The following EML1 variants were observed in gnomAD, a reference collection of about 807,000 sequenced individuals.
EML1 encodes the protein echinoderm microtubule-associated protein-like 1.
In EML1, 27 loss-of-function variants were observed where a neutral mutation model predicts 110.4. That is an observed-to-expected ratio of 0.24 (90% CI 0.18 to 0.34). EML1 has a LOEUF of 0.34. Ranked by LOEUF, EML1 falls within the 10% of genes least tolerant of loss-of-function variation. The pLI is 1.00. For synonymous variants in EML1, 344 were observed against 385.8 expected (o/e 0.89, Z 1.27); for missense variants, 741 against 1,030.9 (o/e 0.72, Z 3.85).
chr14:99,748,423 T>G (rs35273995), intron 1 of EML1, among the ~76,000 whole-genome samples: 1 of 151,854 alleles, frequency 6.6e-6, no homozygotes, highest in African/African-American at 2.4e-5. Flanking sequence ...CCTGGCTTTG[T>G]TATCTTTTTT....
At chr14:99,806,634 T>C (rs372186595) in intron 1 of EML1, among the ~76,000 whole-genome samples, 2 of 152,178 alleles carry the variant, frequency 1.3e-5, no homozygotes, top group East Asian at 3.9e-4. Context: ...GAATCTCTAA[T>C]GGAAAGTGTG....
At chr14:99,885,701 T>C (rs1595433705) in intron 4 of EML1, among the ~76,000 whole-genome samples, 1 of 152,222 alleles carries the variant, frequency 6.6e-6, no homozygotes, top group East Asian at 1.9e-4. Context: ...TTCATATTGT[T>C]TTAGTTTTGA....
Position 99,888,529 on chromosome 14 carries a change from C to A in EML1, c.519-2670C>A, listed in dbSNP as rs557180857. Among the ~76,000 whole-genome samples the A allele has an allele frequency of 7.2e-5, 11 of 152,306 alleles. No individual in the cohort carries two copies. The South Asian group carries it at 2.3e-3, about 32-fold the overall frequency. On this transcript the variant is annotated intron_variant, in intron 4 of 21. Transcript: ENST00000262233. ...GCCTCGTAGTCTTTTGTCAGCTTTC[C>A]TTCTGTCCTCACCTCCTTCTGCCTG...
At chr14:99,862,069 T>C (rs2059011560) in intron 2 of EML1, among the ~76,000 whole-genome samples, 1 of 152,200 alleles carries the variant, frequency 6.6e-6, no homozygotes, top group African/African-American at 2.4e-5. Flanking sequence ...CTCCTCAGCC[T>C]CCTCCAGGCT....
rs999487978 is a variant in EML1, at chr14:99,905,365, G to A, written c.1009-2273G>A. Among the ~76,000 whole-genome samples, 6 of 152,220 alleles carry A rather than the reference G, an allele frequency of 3.9e-5. No homozygotes were observed. The highest frequency in any genetic ancestry group is 1.9e-4 in the East Asian group (1 of 5,182). On this transcript the variant is annotated intron_variant, in intron 9 of 21. Coordinates refer to ENST00000262233, the MANE Select transcript of EML1 (RefSeq NM_004434.3). The surrounding 1 kb of genome is among the most constrained non-coding windows in gnomAD (Gnocchi z 4.1). ...CCTCCAACCAGGAGCTTCAACTTAC[G>A]GTCTCTGGGCAAGATGGTGGCCCTG... is the stretch of plus-strand genomic sequence containing the variant.
intron 1 of EML1, among the ~76,000 whole-genome samples, chr14:99,825,457 CAG>C (rs1491415382): frequency 1.3e-5 from 2 of 151,816 alleles, no homozygotes; most frequent in African/African-American, 2.4e-5. Context: ...GAACGTACCT[CAG>C]AGAGATCAAG....
intron 1 of EML1, chr14:99,809,650 A>G (rs2058041610): frequency 6.6e-6 from 3 of 456,078 alleles, no homozygotes; most frequent in South Asian, 4.6e-5. Context: ...TGCGATTTCA[A>G]CATCCAGAAA....
chr14:99,806,108 T>C (rs1303360735), intron 1 of EML1, among the ~76,000 whole-genome samples: 1 of 152,160 alleles, frequency 6.6e-6, no homozygotes, highest in East Asian at 1.9e-4. Flanking sequence ...GAATGTTTTT[T>C]TGAAAACAAT....
At chr14:99,880,020 A>C (rs189404114) in intron 4 of EML1, among the ~76,000 whole-genome samples, 1 of 152,226 alleles carries the variant, frequency 6.6e-6, no homozygotes, top group African/African-American at 2.4e-5. Context: ...AAATATTTCC[A>C]TAGAAGATAT....
At chr14:99,753,076 G>A (rs2057195039) in intron 1 of EML1, among the ~76,000 whole-genome samples, 1 of 151,952 alleles carries the variant, frequency 6.6e-6, no homozygotes, top group Admixed American at 6.6e-5. Context: ...TAAGAGGGAA[G>A]CAGCGAAGCC....
chr14:99,887,846 G>A (rs2059508957), intron 4 of EML1, among the ~76,000 whole-genome samples: 1 of 152,146 alleles, frequency 6.6e-6, no homozygotes, highest in East Asian at 1.9e-4. Context: ...GTTCTCTTCT[G>A]GTTATCACTG....
At chr14:99,773,948 G>A (rs1349875423) in exon 1 of EML1, 1 of 152,290 alleles carries the variant, frequency 6.6e-6, no homozygotes, top group African/African-American at 2.4e-5. Flanking sequence ...CCCCTTGGAG[G>A]AGGGGCGGCT....
intron 3 of EML1, 141 bp downstream of exon 3, chr14:99,865,787 C>G: frequency 9.0e-7 from 1 of 1,105,194 alleles, no homozygotes; most frequent in East Asian, 2.6e-5. Flanking sequence ...TTATATGGTG[C>G]CATAACAAGA....
chr14:99,902,792 G>A (rs1473102964), intron 9 of EML1, among the ~76,000 whole-genome samples: 2 of 152,082 alleles, frequency 1.3e-5, no homozygotes, highest in Admixed American at 1.3e-4. Context: ...AAGATAACTT[G>A]GGGCTCCTGG....
At chr14:99,770,816 G>T (rs1054789687), upstream of EML1, among the ~76,000 whole-genome samples, 9 of 86,828 alleles carry the variant, frequency 1.0e-4, no homozygotes, top group Non-Finnish European at 1.2e-4. Context: ...ACGGAGTCTC[G>T]CTCTGTTGTC....
chr14:99,851,616 T>G (rs544144840), intron 2 of EML1, among the ~76,000 whole-genome samples: 30 of 152,286 alleles, frequency 2.0e-4, no homozygotes, highest in African/African-American at 7.0e-4. Flanking sequence ...CGAGAACAGT[T>G]CTTTATCAGG....
At chr14:99,904,092 A>G (rs147667343) in intron 9 of EML1, among the ~76,000 whole-genome samples, 13 of 152,198 alleles carry the variant, frequency 8.5e-5, no homozygotes, top group African/African-American at 2.9e-4. Context: ...CAATGTATTC[A>G]ATTTTAATCA....
At chr14:99,791,922 C>T (rs2057678847), upstream of EML1, among the ~76,000 whole-genome samples, 1 of 152,242 alleles carries the variant, frequency 6.6e-6, no homozygotes, top group Non-Finnish European at 1.5e-5. Flanking sequence ...CTTCTTTCCT[C>T]ACTAGCAGTG....
chr14:99,914,164 G>T lies in EML1; in HGVS notation c.1495-15G>T. 6.3e-7 allele frequency: 1 copy of T among 1,592,368 alleles called. No individual in the cohort carries two copies. Among genetic ancestry groups the T allele is most frequent in the South Asian group, 1.1e-5 (1 of 89,554 alleles). ...AATTGTACATCTTTTCTTTTCATAT[G>T]ACTTTTCAATGCAGATTCCAGAACA... On this transcript the variant is annotated splice_polypyrimidine_tract_variant and intron_variant, in intron 13 of 21. Transcript: ENST00000262233.
Sources: allele counts gnomAD v4.1 joint callset (sites outside exome capture counted in the v4.1 genomes callset), GRCh38; gene constraint gnomAD v4.1.1; non-coding constraint Gnocchi (gnomAD v3.1); transcripts MANE v1.5; gene names NCBI Gene and HGNC (gene_info 2026-07-23, HGNC 2026-07-21).